Variants in MAN2A1 observed in about 807,000 individuals in gnomAD.
MAN2A1 encodes the protein alpha-mannosidase 2.
Under a neutral mutation model 142.6 loss-of-function variants are expected in MAN2A1, and 76 were observed. The observed-to-expected ratio is 0.53, with a 90% CI of 0.44 to 0.65. The LOEUF is 0.65. MAN2A1 is among the 30% of genes least tolerant of loss of function. MAN2A1 has a pLI of 0.00. For synonymous variants in MAN2A1, 559 were observed against 473.2 expected (o/e 1.18, Z -2.35); for missense variants, 1,311 against 1,365.1 (o/e 0.96, Z 0.62).
At chr5:109,860,764 G>A (rs1755734879) in intron 20 of MAN2A1, among the ~76,000 whole-genome samples, 1 of 152,198 alleles carries the variant, frequency 6.6e-6, no homozygotes, top group Non-Finnish European at 1.5e-5. Context: ...CCTATTTGAA[G>A]TGGGGTGAAT....
At chr5:109,831,575 G>A (rs970445888) in intron 16 of MAN2A1, among the ~76,000 whole-genome samples, 10 of 152,106 alleles carry the variant, frequency 6.6e-5, no homozygotes, top group African/African-American at 2.2e-4. Flanking sequence ...TTGGTGTATT[G>A]TACATGGTGA....
chr5:109,842,811 T>TTTTTTTTTTTTTG (rs1755244335), intron 17 of MAN2A1, among the ~76,000 whole-genome samples: 4 of 144,598 alleles, frequency 2.8e-5, no homozygotes, highest in Non-Finnish European at 6.0e-5. Flanking sequence ...ATTGGGTTTT[T>TTTTTTTTTTTTTG]TTTTTTTTTT....
At chr5:109,832,069 A>G (rs1754921224) in intron 16 of MAN2A1, among the ~76,000 whole-genome samples, 1 of 150,990 alleles carries the variant, frequency 6.6e-6, no homozygotes, top group East Asian at 1.9e-4. Flanking sequence ...CTAGAATGAT[A>G]TATGATTTTA....
chr5:109,818,838 G>A (rs1172901811), intron 13 of MAN2A1, among the ~76,000 whole-genome samples: 1 of 152,158 alleles, frequency 6.6e-6, no homozygotes, highest in Non-Finnish European at 1.5e-5. Flanking sequence ...TGGATAAACT[G>A]AGACATGTAT....
At chr5:109,690,573 C>A in intron 1 of MAN2A1, 21 bp downstream of exon 1, 2 of 1,571,750 alleles carry the variant, frequency 1.3e-6, no homozygotes, top group Non-Finnish European at 8.6e-7. Flanking sequence ...GGGAAGGGGG[C>A]GCGGGGCTCC....
At chr5:109,746,654 T>G (rs545303537) in intron 4 of MAN2A1, among the ~76,000 whole-genome samples, 55 of 152,144 alleles carry the variant, frequency 3.6e-4, no homozygotes, top group Middle Eastern at 3.4e-3. Context: ...TAACAATTTT[T>G]AAGTGTACAG....
intron 1 of MAN2A1, among the ~76,000 whole-genome samples, chr5:109,696,133 A>G (rs1367058879): frequency 2.0e-5 from 3 of 151,288 alleles, no homozygotes; most frequent in Admixed American, 2.0e-4. Context: ...ACGGAGTCTC[A>G]CTATGTTGGC....
At chr5:109,779,673 A>C (rs1168270796) in intron 8 of MAN2A1, among the ~76,000 whole-genome samples, 3 of 152,114 alleles carry the variant, frequency 2.0e-5, no homozygotes, top group Non-Finnish European at 4.4e-5. Flanking sequence ...TATTTGCTGT[A>C]AATTGCTTAA....
At chr5:109,806,652 A>C (rs1408577530) in intron 12 of MAN2A1, among the ~76,000 whole-genome samples, 1 of 152,200 alleles carries the variant, frequency 6.6e-6, no homozygotes, top group Non-Finnish European at 1.5e-5. Context: ...TTAGTTTAGA[A>C]ACTAAAAGTT....
At chr5:109,718,266 A>T (rs895210831) in intron 3 of MAN2A1, among the ~76,000 whole-genome samples, 2 of 151,922 alleles carry the variant, frequency 1.3e-5, no homozygotes, top group African/African-American at 4.8e-5. Context: ...CCTTTTCTTG[A>T]TTTTTTAAAA....
In MAN2A1 at chr5:109,817,443, G is replaced by A; in HGVS notation, c.2109+5G>A. The A allele has an allele frequency of 6.2e-7, 1 of 1,613,602 alleles. No homozygotes were observed. Among genetic ancestry groups the A allele is most frequent in the Non-Finnish European group, 8.5e-7 (1 of 1,179,718 alleles). The stretch of plus-strand genomic sequence containing the variant: ...ATTTCAGAAACAGCCTATGAGGTAT[G>A]TTGTAGCCATAGAACTTAAGGAGGC... On this transcript the variant is annotated splice_donor_5th_base_variant and intron_variant, in intron 13 of 21. Transcript: ENST00000261483.
chr5:109,821,640 TTC>T (rs1383558006), intron 15 of MAN2A1, among the ~76,000 whole-genome samples: 5 of 152,306 alleles, frequency 3.3e-5, no homozygotes, highest in African/African-American at 1.2e-4. Context: ...AAAAATATTT[TTC>T]TGTTAAGATT....
At chr5:109,766,282 C>T (rs1489231112) in intron 5 of MAN2A1, among the ~76,000 whole-genome samples, 1 of 152,142 alleles carries the variant, frequency 6.6e-6, no homozygotes, top group Non-Finnish European at 1.5e-5. Flanking sequence ...TACATGAAAG[C>T]TGCCTTCAGA....
At position 109,690,062 on chromosome 5, in the gene MAN2A1, G is replaced by A. The variant is rs1379036926; in HGVS notation, c.-356G>A. 2 of 233,566 alleles carry A rather than the reference G, an allele frequency of 8.6e-6. No individual in the cohort carries two copies. Among genetic ancestry groups the A allele is most frequent in the African/African-American group, 2.3e-5 (1 of 42,640 alleles). The allele number at this position is 233,566 out of a possible 1,614,324, so 14.5% of individuals were successfully genotyped here. A position where few individuals can be genotyped will look rare whatever the true frequency, so the allele number is the denominator to read the frequency against. ...TCCTGCCGACTCAGTTGGGGCGGCG[G>A]TGGCAGGAAGTGCGGGCAGCGACCT... On this transcript the variant is annotated 5_prime_UTR_variant, in exon 1 of 22. The change creates a new upstream start codon in the 5' untranslated region. Transcript: ENST00000261483.
chr5:109,804,930 C>T (rs894271708), intron 12 of MAN2A1, among the ~76,000 whole-genome samples: 1 of 152,130 alleles, frequency 6.6e-6, no homozygotes, highest in African/African-American at 2.4e-5. Flanking sequence ...ACTATGTGTT[C>T]TTCCAAAGTT....
chr5:109,733,041 A>T (rs1046225904), intron 4 of MAN2A1, among the ~76,000 whole-genome samples: 1 of 152,050 alleles, frequency 6.6e-6, no homozygotes, highest in African/African-American at 2.4e-5. Context: ...TATTTCATTG[A>T]GCAGTGGTTT....
At chr5:109,717,843 T>G (rs1751497369) in intron 3 of MAN2A1, among the ~76,000 whole-genome samples, 2 of 152,192 alleles carry the variant, frequency 1.3e-5, no homozygotes, top group Admixed American at 1.3e-4. Flanking sequence ...TGATGAAAAT[T>G]ACATGTAATC....
intron 4 of MAN2A1, among the ~76,000 whole-genome samples, chr5:109,738,251 T>TC (rs1192117641): frequency 2.2e-5 from 3 of 134,580 alleles, no homozygotes; most frequent in Non-Finnish European, 4.8e-5. Flanking sequence ...TTTTTTTTTT[T>TC]CCATTCTTGC....
intron 12 of MAN2A1, among the ~76,000 whole-genome samples, chr5:109,810,875 A>G (rs1754297570): frequency 6.6e-6 from 1 of 152,214 alleles, no homozygotes; most frequent in South Asian, 2.1e-4. Context: ...TTCCCCTGGA[A>G]GTGGAAACAT....
Sources: gnomAD v4.1 joint callset for allele counts (sites outside exome capture counted in the v4.1 genomes callset) on GRCh38, gnomAD v4.1.1 for gene constraint, MANE v1.5 for transcripts, NCBI Gene and HGNC (gene_info 2026-07-23, HGNC 2026-07-21) for gene names.